Variants in PAM observed in about 807,000 individuals in gnomAD.
PAM encodes the protein peptidylglycine alpha-amidating monooxygenase, also known as peptidyl-glycine alpha-amidating monooxygenase.
Under a neutral mutation model 122.1 loss-of-function variants are expected in PAM, and 72 were observed. The observed-to-expected ratio is 0.59, with a 90% CI of 0.49 to 0.72. The LOEUF (loss-of-function observed/expected upper bound fraction) is 0.72, where lower values mean the gene tolerates loss of function less well. Among genes scored for constraint, PAM ranks in the 30% least tolerant of loss-of-function variants. The probability of loss-of-function intolerance (pLI) is 0.00; values close to 1 mark genes in which losing one functional copy is unlikely to be tolerated. For missense variants in PAM, 1,106 were observed against 1,183.7 expected (o/e 0.93, Z 0.96); for synonymous variants, 389 against 404.4 (o/e 0.96, Z 0.46).
chr5:102,759,865 G>A (rs1049242451), intron 1 of PAM, among the ~76,000 whole-genome samples: 44 of 152,182 alleles, frequency 2.9e-4, no homozygotes, highest in African/African-American at 1.0e-3. Context: ...TCTAGCTACT[G>A]TATAGAGAAT....
chr5:102,982,872 AAAG>A (rs1464230828), intron 15 of PAM, among the ~76,000 whole-genome samples: 1 of 152,138 alleles, frequency 6.6e-6, no homozygotes, highest in Non-Finnish European at 1.5e-5. Context: ...ACTCAACAAA[AAAG>A]AAATCTATGA....
intron 1 of PAM, among the ~76,000 whole-genome samples, chr5:102,776,085 T>C (rs1029934841): frequency 2.6e-5 from 4 of 152,242 alleles, no homozygotes; most frequent in African/African-American, 9.6e-5. Flanking sequence ...ATTTCTCTAA[T>C]GATCAGTGAT....
chr5:102,923,342 A>G (rs1210260380), intron 5 of PAM, among the ~76,000 whole-genome samples: 1 of 152,094 alleles, frequency 6.6e-6, no homozygotes, highest in South Asian at 2.1e-4. Flanking sequence ...TTTCTAACCT[A>G]TTTAGGAATC....
intron 15 of PAM, chr5:102,987,678 A>G: frequency 5.7e-6 from 2 of 350,114 alleles, no homozygotes; most frequent in Admixed American, 8.2e-5. Flanking sequence ...ATGTTTCTAA[A>G]CCTTCAGTGG....
intron 1 of PAM, among the ~76,000 whole-genome samples, chr5:102,810,386 T>C (rs1221555680): frequency 6.6e-6 from 1 of 152,236 alleles, no homozygotes; most frequent in Non-Finnish European, 1.5e-5. Context: ...GTTTTTACTT[T>C]ATTTTTATGC....
chr5:102,767,701 A>C (rs1754510455), intron 1 of PAM, among the ~76,000 whole-genome samples: 1 of 152,142 alleles, frequency 6.6e-6, no homozygotes, highest in South Asian at 2.1e-4. Flanking sequence ...ACTTTCATTA[A>C]ATTGCTTCAT....
chr5:102,809,453 G>T (rs1448289090), intron 1 of PAM, among the ~76,000 whole-genome samples: 1 of 152,046 alleles, frequency 6.6e-6, no homozygotes, highest in African/African-American at 2.4e-5. Context: ...AGATAGCTTT[G>T]CAGAGAAAAA....
At chr5:102,808,441 A>G (rs747529231) in intron 1 of PAM, among the ~76,000 whole-genome samples, 17 of 152,140 alleles carry the variant, frequency 1.1e-4, no homozygotes, top group Non-Finnish European at 2.4e-4. Flanking sequence ...GGGTAGGCTT[A>G]TAAAGAAAAC....
chr5:102,834,472 A>C (rs1218558156), intron 1 of PAM, among the ~76,000 whole-genome samples: 1 of 152,192 alleles, frequency 6.6e-6, no homozygotes, highest in Non-Finnish European at 1.5e-5. Context: ...TTAAAGTGAT[A>C]AGAAAAACAA....
At chr5:103,013,795 T>A (rs746458503) in intron 21 of PAM, among the ~76,000 whole-genome samples, 4 of 152,286 alleles carry the variant, frequency 2.6e-5, no homozygotes, top group Non-Finnish European at 5.9e-5. Flanking sequence ...AGCCTTTTGT[T>A]CACTGGAGCT....
At chr5:102,852,419 G>A (rs181445734) in intron 1 of PAM, among the ~76,000 whole-genome samples, 2 of 152,042 alleles carry the variant, frequency 1.3e-5, no homozygotes, top group East Asian at 1.9e-4. Context: ...AAAGAGTAAT[G>A]CTCTGTTTTT....
chr5:102,996,759 C>T (rs1775820459), intron 16 of PAM, among the ~76,000 whole-genome samples: 1 of 152,156 alleles, frequency 6.6e-6, no homozygotes, highest in South Asian at 2.1e-4. Flanking sequence ...TTTAAATGAA[C>T]TGGTCAGGCC....
At chr5:102,967,020 A>G (rs1055421881) in intron 14 of PAM, among the ~76,000 whole-genome samples, 2 of 152,164 alleles carry the variant, frequency 1.3e-5, no homozygotes, top group Non-Finnish European at 2.9e-5. Context: ...AGTAATCTTA[A>G]AGCATTTTTT....
chr5:102,769,353 T>G (rs1197450857), intron 1 of PAM, among the ~76,000 whole-genome samples: 2 of 152,188 alleles, frequency 1.3e-5, no homozygotes, highest in Non-Finnish European at 2.9e-5. Context: ...GCTTTTTGAC[T>G]TGATGTGGTC....
At chr5:102,956,264 T>C (rs1582147477) in intron 12 of PAM, among the ~76,000 whole-genome samples, 1 of 152,120 alleles carries the variant, frequency 6.6e-6, no homozygotes, top group Non-Finnish European at 1.5e-5. Context: ...GTATGTGTAA[T>C]TGAATTAGTG....
Position 102,960,776 on chromosome 5 carries a change from A to ATT in PAM, c.1091-380_1091-379dup, listed in dbSNP as rs548321819. Among the ~76,000 whole-genome samples the ATT allele has an allele frequency of 6.7e-3, 1,011 of 151,980 alleles. 8 individuals carry two copies. Among genetic ancestry groups the ATT allele is most frequent in the Non-Finnish European group, 0.012 (842 of 67,838 alleles). ...GAGAAGTTAGCATAGCATTCTGGCC[A>ATT]TTTATTAAGATTCTACTATATTTAT... On this transcript the variant is annotated intron_variant, in intron 13 of 25. Transcript: ENST00000438793.
intron 1 of PAM, among the ~76,000 whole-genome samples, chr5:102,862,282 T>C (rs775825670): frequency 2.0e-4 from 31 of 152,048 alleles, no homozygotes; most frequent in South Asian, 2.1e-4. Flanking sequence ...AGTTTTTTTT[T>C]CCACAAATCT....
intron 7 of PAM, among the ~76,000 whole-genome samples, chr5:102,942,309 C>G (rs1233635468): frequency 6.6e-6 from 1 of 151,922 alleles, no homozygotes; most frequent in African/African-American, 2.4e-5. Context: ...AACATCCTGT[C>G]CCAGTAATTT....
At chr5:102,983,760 CAG>C (rs1770761642) in intron 15 of PAM, among the ~76,000 whole-genome samples, 2 of 152,212 alleles carry the variant, frequency 1.3e-5, no homozygotes, top group South Asian at 2.1e-4. Context: ...AAGTTAAAAA[CAG>C]AGACTAAATT....
Sources: allele counts gnomAD v4.1 joint callset (sites outside exome capture counted in the v4.1 genomes callset), GRCh38; gene constraint gnomAD v4.1.1; transcripts MANE v1.5; gene names NCBI Gene and HGNC (gene_info 2026-07-23, HGNC 2026-07-21).